Variants in ARHGAP12 observed in about 807,000 individuals in gnomAD.
The protein encoded by ARHGAP12 is Rho GTPase activating protein 12.
Under a neutral mutation model 108.6 loss-of-function variants are expected in ARHGAP12, and 64 were observed. That is an observed-to-expected ratio of 0.59 (90% CI 0.48 to 0.73). The LOEUF (loss-of-function observed/expected upper bound fraction) is 0.73. Ranked by LOEUF, ARHGAP12 falls within the 30% of genes least tolerant of loss-of-function variation. ARHGAP12 has a pLI of 0.00. For missense variants in ARHGAP12, 940 were observed against 1,005.9 expected (o/e 0.93, Z 0.89); for synonymous variants, 312 against 337.2 (o/e 0.93, Z 0.82).
intron 3 of ARHGAP12, among the ~76,000 whole-genome samples, chr10:31,904,883 T>C (rs1839066508): frequency 6.6e-6 from 1 of 152,100 alleles, no homozygotes; most frequent in Non-Finnish European, 1.5e-5. Flanking sequence ...CACCTCGGCC[T>C]CTCAAAAGTG....
chr10:31,831,987 T>C (rs1835852635), intron 9 of ARHGAP12, among the ~76,000 whole-genome samples, 187 bp from the exon 10 acceptor site: 1 of 152,190 alleles, frequency 6.6e-6, no homozygotes, highest in Non-Finnish European at 1.5e-5. Context: ...TTGTAGTTTT[T>C]TCTTAATTTT....
At chr10:31,892,340 A>G (rs963901926) in intron 3 of ARHGAP12, among the ~76,000 whole-genome samples, 7 of 152,226 alleles carry the variant, frequency 4.6e-5, no homozygotes, top group Admixed American at 4.6e-4. Flanking sequence ...GTTAAGACCC[A>G]TCAGTGTGCT....
intron 3 of ARHGAP12, among the ~76,000 whole-genome samples, chr10:31,901,184 C>T (rs1425674275): frequency 6.6e-6 from 1 of 150,670 alleles, no homozygotes; most frequent in African/African-American, 2.4e-5. Context: ...CCACTGCACT[C>T]CACTCTGGGT....
intron 5 of ARHGAP12, among the ~76,000 whole-genome samples, chr10:31,853,200 T>C (rs1048665689): frequency 6.6e-6 from 1 of 152,210 alleles, no homozygotes; most frequent in African/African-American, 2.4e-5. Context: ...GATGTACATA[T>C]GCACTGGAAC....
chr10:31,906,306 T>C (rs1029135557), intron 3 of ARHGAP12, among the ~76,000 whole-genome samples: 2 of 152,180 alleles, frequency 1.3e-5, no homozygotes, highest in African/African-American at 4.8e-5. Context: ...GCCACTCGAA[T>C]TGGGGGTAGT....
intron 3 of ARHGAP12, among the ~76,000 whole-genome samples, chr10:31,905,603 TGAA>T (rs759708392): frequency 2.6e-5 from 4 of 152,252 alleles, no homozygotes; most frequent in East Asian, 3.9e-4. Context: ...AAGGAGGAGC[TGAA>T]GAAGAGCTTT....
chr10:31,835,476 C>T (rs1005361566), intron 9 of ARHGAP12, among the ~76,000 whole-genome samples: 4 of 152,076 alleles, frequency 2.6e-5, no homozygotes, highest in Non-Finnish European at 5.9e-5. Context: ...AATTGAGTAA[C>T]AATATTATTC....
Position 31,806,226 on chromosome 10 carries a change from A to T in ARHGAP12, c.*1432T>A, listed in dbSNP as rs986844227. On this transcript the variant is annotated 3_prime_UTR_variant, in exon 20 of 20. Coordinates refer to ENST00000344936, the MANE Select transcript of ARHGAP12 (RefSeq NM_018287.7). ...GAAATATTGGATTCAGTTGATTTTT[A>T]AAAATGAGGTATAACAGTATGCCAG... 6 of 152,220 alleles carry T rather than the reference A, an allele frequency of 3.9e-5. No individual in the cohort carries two copies. The highest frequency in any genetic ancestry group is 5.9e-5 in the Non-Finnish European group (4 of 68,004). 9.4% of individuals were successfully genotyped at this position (152,220 alleles called of 1,614,324 possible).
Position 31,908,822 on chromosome 10 carries a change from G to C in ARHGAP12, c.34C>G (p.Pro12Ala), listed in dbSNP as rs769835452. ...KMADRSGKIIPGQVYIEVEYD... is the reference protein window; with the variant it reads ...KMADRSGKIIAGQVYIEVEYD... ...TCCACCTCAATATACACTTGTCCTG[G>C]AATAATCTTCCCACTTCTGTCAGCC... Residue 12 changes from proline (P) to alanine (A), a missense_variant, in exon 3 of 20, where the codon CCA (proline) becomes GCA (alanine). Coordinates refer to ENST00000344936, the MANE Select transcript of ARHGAP12 (RefSeq NM_018287.7). 6 of 1,600,376 alleles carry C rather than the reference G, an allele frequency of 3.7e-6. No individual in the cohort carries two copies. Among genetic ancestry groups the C allele is most frequent in the Non-Finnish European group, 5.1e-6 (6 of 1,177,232 alleles).
chr10:31,904,162 T>C (rs137877314), intron 3 of ARHGAP12, among the ~76,000 whole-genome samples: 176 of 152,352 alleles, frequency 1.2e-3, no homozygotes, highest in African/African-American at 3.8e-3. Flanking sequence ...TGTACAGAAA[T>C]GTTTACAGCA....
intron 3 of ARHGAP12, among the ~76,000 whole-genome samples, chr10:31,891,712 G>C (rs370369250): frequency 4.6e-5 from 7 of 152,078 alleles, no homozygotes; most frequent in Admixed American, 4.6e-4. Flanking sequence ...TCACTTTCAC[G>C]TACACCAATC....
At position 31,820,471 on chromosome 10, in the gene ARHGAP12, GGACT is replaced by G; in HGVS notation, c.1544_1547del (p.Gln515ProfsTer30). ...TGAGGTCCACTGTGAACTCTGGTTT[GGACT>G]GATTACTGCCAAACTTCATTTTTGA... is the stretch of plus-strand genomic sequence containing the variant. On this transcript the variant is annotated frameshift_variant, in exon 12 of 20. Transcript: ENST00000344936. LOFTEE classifies it high-confidence loss of function. 6.3e-7 allele frequency: 1 copy of G among 1,599,960 alleles called. No individual in the cohort carries two copies. The highest frequency in any genetic ancestry group is 8.5e-7 in the Non-Finnish European group (1 of 1,173,782).
intron 10 of ARHGAP12, among the ~76,000 whole-genome samples, chr10:31,828,565 A>G (rs899657116): frequency 6.6e-6 from 1 of 152,192 alleles, no homozygotes; most frequent in African/African-American, 2.4e-5. Flanking sequence ...CAATTTTCAA[A>G]ATGAGAAAAA....
intron 11 of ARHGAP12, among the ~76,000 whole-genome samples, chr10:31,825,723 T>C (rs559016151): frequency 1.2e-3 from 177 of 152,312 alleles, no homozygotes; most frequent in African/African-American, 4.1e-3. Flanking sequence ...ATGTAGCTAT[T>C]ATATGTCACA....
At chr10:31,888,734 A>G (rs538627604) in intron 3 of ARHGAP12, among the ~76,000 whole-genome samples, 3 of 152,358 alleles carry the variant, frequency 2.0e-5, no homozygotes, top group Admixed American at 2.0e-4. Flanking sequence ...GCAGAAAAAA[A>G]GAGTAAATAT....
chr10:31,882,932 A>G (rs1838036607), intron 3 of ARHGAP12, among the ~76,000 whole-genome samples: 1 of 152,096 alleles, frequency 6.6e-6, no homozygotes, highest in Non-Finnish European at 1.5e-5. Flanking sequence ...CCTCTTACTA[A>G]GGAAAATTCA....
Position 31,850,930 on chromosome 10 carries a change from T to C in ARHGAP12, c.1170+1587A>G, listed in dbSNP as rs12413633. 1.7e-3 allele frequency among the ~76,000 whole-genome samples: 262 copies of C among 152,284 alleles called. 2 individuals are homozygous for C. The highest frequency in any genetic ancestry group is 0.014 in the Admixed American group (214 of 15,298). On this transcript the variant is annotated intron_variant, in intron 6 of 19. Coordinates refer to ENST00000344936, the MANE Select transcript of ARHGAP12 (RefSeq NM_018287.7). ...CACAAATGTTTTATTGAATTGTGTT[T>C]CATAATTTTAAAGAGTAATGAGATA...
At chr10:31,852,270 T>C (rs920601333) in intron 6 of ARHGAP12, among the ~76,000 whole-genome samples, 4 of 152,160 alleles carry the variant, frequency 2.6e-5, no homozygotes, top group African/African-American at 9.7e-5. Flanking sequence ...TTTCCAAGAA[T>C]AAGGAAAGGC....
rs183148428 is a variant in ARHGAP12 at position 31,832,933 on chromosome 10, T to G, written c.1387-1133A>C. The stretch of plus-strand genomic sequence containing the variant: ...AAATAGCCCATATGAAGTTTTATTG[T>G]AATTTTTTCATAAAGCACAGCTTAA... On this transcript the variant is annotated intron_variant, in intron 9 of 19. Transcript: ENST00000344936. 1.3e-3 allele frequency among the ~76,000 whole-genome samples: 191 copies of G among 152,318 alleles called. 2 individuals carry two copies. In the Middle Eastern group the frequency reaches 0.014, roughly 11 times the overall value.
Sources: allele counts gnomAD v4.1 joint callset (sites outside exome capture counted in the v4.1 genomes callset), GRCh38; gene constraint gnomAD v4.1.1; transcripts MANE v1.5; gene names NCBI Gene and HGNC (gene_info 2026-07-23, HGNC 2026-07-21).